The following VPS13D variants were observed in gnomAD, a reference collection of about 807,000 sequenced individuals.
VPS13D encodes the protein intermembrane lipid transfer protein VPS13D.
VPS13D carries 187 observed loss-of-function variants against 461.9 expected under a neutral mutation model. The observed-to-expected ratio is 0.40, with a 90% CI of 0.36 to 0.46. The LOEUF (loss-of-function observed/expected upper bound fraction) is 0.46, where lower values mean the gene tolerates loss of function less well. VPS13D is among the 20% of genes least tolerant of loss of function. VPS13D has a pLI of 0.60. For synonymous variants in VPS13D, 1,951 were observed against 1,986.3 expected, an observed-to-expected ratio of 0.98 and a Z score of 0.47; for missense variants, 4,711 against 5,364.9, an observed-to-expected ratio of 0.88 and a Z score of 3.81.
chr1:12,319,389 T>G lies in VPS13D; in HGVS notation c.7415-108T>G. 2.0e-6 allele frequency: 3 copies of G among 1,469,326 alleles called. No individual in the cohort carries two copies. In the South Asian group the frequency reaches 3.8e-5, roughly 19 times the overall value. 91.0% of individuals were successfully genotyped at this position (1,469,326 alleles called of 1,614,324 possible). ...CAGACATTTTGGAGAAAAATCTTAC[T>G]GGTTCATGTTGTTGCCTGGTGGAAA... is the stretch of plus-strand genomic sequence containing the variant. On this transcript the variant is annotated intron_variant, in intron 31 of 69. Transcript: ENST00000620676.
chr1:12,356,229 A>G (rs1643884712), intron 48 of VPS13D, 139 bp downstream of exon 48: 1 of 1,382,906 alleles, frequency 7.2e-7, no homozygotes, highest in Non-Finnish European at 9.7e-7. Flanking sequence ...TGCTTCCATC[A>G]TAAATGCTTA....
intron 65 of VPS13D, among the ~76,000 whole-genome samples, chr1:12,425,081 T>C (rs1020760722): frequency 1.3e-5 from 2 of 152,206 alleles, no homozygotes; most frequent in South Asian, 2.1e-4. Context: ...TGACAAACTT[T>C]AAGTGAGATA....
Position 12,510,668 on chromosome 1 carries a change from T to TC in VPS13D, c.*1646dup, listed in dbSNP as rs1335268954. ...CGAGGCTTGGTTGCCTTTGCTGAACTCCAAGTTAGTGGATTGCAGAATGGA... is the reference window on the plus strand; with the variant it reads ...CGAGGCTTGGTTGCCTTTGCTGAACTCCCAAGTTAGTGGATTGCAGAATGGA... On this transcript the variant is annotated 3_prime_UTR_variant, in exon 70 of 70. Transcript: ENST00000620676. The TC allele has an allele frequency of 6.6e-6, 1 of 152,250 alleles. No individual in the cohort carries two copies. The highest frequency in any genetic ancestry group is 1.5e-5 in the Non-Finnish European group (1 of 68,062). 9.4% of individuals were successfully genotyped at this position (152,250 alleles called of 1,614,324 possible).
At chr1:12,288,700 T>C (rs919901495) in intron 22 of VPS13D, among the ~76,000 whole-genome samples, 7 of 151,850 alleles carry the variant, frequency 4.6e-5, no homozygotes, top group Non-Finnish European at 1.0e-4. Flanking sequence ...ATCATTAATA[T>C]AATTACCCCT....
chr1:12,231,804 A>T (rs1219560630), intron 1 of VPS13D, among the ~76,000 whole-genome samples: 2 of 152,208 alleles, frequency 1.3e-5, no homozygotes, highest in African/African-American at 4.8e-5. Context: ...CCTGGCCAAC[A>T]TGATGAAACC....
chr1:12,478,628 C>G, intron 67 of VPS13D: 1 of 359,318 alleles, frequency 2.8e-6, no homozygotes, highest in Non-Finnish European at 5.5e-6. Flanking sequence ...CTGCACGTTT[C>G]TTTTCTTCAA....
chr1:12,322,686 G>A lies in VPS13D; in HGVS notation c.7855G>A (p.Ala2619Thr). ...CTCCGTTGGCACTTACCTTCCAGGTGCATCTCGCGTTGGAGAGGAAATCAG... is the reference window on the plus strand; with the variant it reads ...CTCCGTTGGCACTTACCTTCCAGGTACATCTCGCGTTGGAGAGGAAATCAG... ...SDSVGTYLPG[A>T]SRVGEEIREG... Residue 2619 changes from alanine to threonine, a missense_variant, in exon 34 of 70, where the codon GCA becomes ACA. Transcript: ENST00000620676. 1 of 1,614,234 alleles carries A rather than the reference G, an allele frequency of 6.2e-7. No individual in the cohort carries two copies. The highest frequency in any genetic ancestry group is 8.5e-7 in the Non-Finnish European group (1 of 1,180,030).
At chr1:12,423,371 CTA>C (rs1644886349) in intron 65 of VPS13D, among the ~76,000 whole-genome samples, 1 of 152,040 alleles carries the variant, frequency 6.6e-6, no homozygotes, top group African/African-American at 2.4e-5. Flanking sequence ...AGACATGCCT[CTA>C]TGTGTTAAAC....
intron 50 of VPS13D, among the ~76,000 whole-genome samples, chr1:12,362,063 A>G (rs1643959103): frequency 1.3e-5 from 2 of 152,114 alleles, no homozygotes; most frequent in South Asian, 2.1e-4. Flanking sequence ...GGGTTTCGCC[A>G]TGTTGGCCAG....
intron 2 of VPS13D, among the ~76,000 whole-genome samples, chr1:12,240,093 T>C (rs1441414971): frequency 1.3e-5 from 2 of 152,206 alleles, no homozygotes; most frequent in African/African-American, 4.8e-5. Flanking sequence ...CATTTGCTTT[T>C]GGCTTGGTGT....
intron 64 of VPS13D, among the ~76,000 whole-genome samples, chr1:12,416,398 T>C (rs966010278): frequency 2.6e-5 from 4 of 152,228 alleles, no homozygotes; most frequent in Admixed American, 2.0e-4. Flanking sequence ...TGCTTCCTGT[T>C]TCATAGCTAT....
At chr1:12,290,973 T>C (rs1481708753) in intron 22 of VPS13D, 25 bp from the exon 23 acceptor site, 1 of 1,584,614 alleles carries the variant, frequency 6.3e-7, no homozygotes, top group Non-Finnish European at 8.6e-7. Context: ...TACATAGTAA[T>C]GTGTTCTAAC....
At chr1:12,501,065 CAT>C (rs893798217) in intron 68 of VPS13D, among the ~76,000 whole-genome samples, 6 of 151,864 alleles carry the variant, frequency 4.0e-5, no homozygotes, top group African/African-American at 1.5e-4. Context: ...AAAAGATACT[CAT>C]ATGCATGGTT....
Position 12,318,287 on chromosome 1 carries a change from C to A in VPS13D, c.7364C>A (p.Ser2455Tyr). ...AGTGGAGTAGTTACCAAGCGGTCTT[C>A]CCTTCCTGTGTCCAATGAAAGGCAC... ...VKSGVVTKRSSLPVSNERHLE... is the reference protein window; with the variant it reads ...VKSGVVTKRSYLPVSNERHLE... Residue 2455 changes from serine (S) to tyrosine (Y), a missense_variant, in exon 31 of 70, where the codon TCC (serine) becomes TAC (tyrosine). Ser to Tyr is a moderately radical substitution (Grantham distance 144). Around this residue, in one of 3 missense-constraint regions of VPS13D, gnomAD observed 4,411 missense variants for 4,937.8 expected, o/e 0.89. Coordinates refer to ENST00000620676, the MANE Select transcript of VPS13D (RefSeq NM_015378.4). The A allele has an allele frequency of 6.2e-7, 1 of 1,613,698 alleles. No individual in the cohort carries two copies. The highest frequency in any genetic ancestry group is 1.3e-5 in the African/African-American group (1 of 75,038).
chr1:12,445,843 C>G (rs992261028), intron 65 of VPS13D, among the ~76,000 whole-genome samples: 1 of 152,146 alleles, frequency 6.6e-6, no homozygotes, highest in East Asian at 1.9e-4. Flanking sequence ...CCCATTCTAC[C>G]TCCTCTGCAA....
intron 10 of VPS13D, among the ~76,000 whole-genome samples, chr1:12,258,753 T>C (rs1285141034): frequency 1.3e-5 from 2 of 152,258 alleles, no homozygotes; most frequent in Non-Finnish European, 2.9e-5. Flanking sequence ...CAGCTTAGAC[T>C]GTGTCTGAGA....
chr1:12,413,204 G>C (rs1644751492), intron 63 of VPS13D, among the ~76,000 whole-genome samples: 1 of 151,820 alleles, frequency 6.6e-6, no homozygotes, highest in Non-Finnish European at 1.5e-5. Context: ...TTTGGTCGTT[G>C]TTTGTTTTAA....
At chr1:12,249,782 C>T (rs1474224958) in intron 6 of VPS13D, among the ~76,000 whole-genome samples, 1 of 152,144 alleles carries the variant, frequency 6.6e-6, no homozygotes, top group African/African-American at 2.4e-5. Flanking sequence ...TGTTTCTTCA[C>T]ACTCTACACA....
At chr1:12,394,433 C>G (rs1261251660) in intron 60 of VPS13D, among the ~76,000 whole-genome samples, 1 of 152,186 alleles carries the variant, frequency 6.6e-6, no homozygotes, top group Non-Finnish European at 1.5e-5. Flanking sequence ...TAGCTATGCC[C>G]ACCTTGCCTT....
Sources: gnomAD v4.1 joint callset for allele counts (sites outside exome capture counted in the v4.1 genomes callset) on GRCh38, gnomAD v4.1.1 for gene constraint, gnomAD v4.1.1 regional missense constraint, MANE v1.5 for transcripts, NCBI Gene and HGNC (gene_info 2026-07-23, HGNC 2026-07-21) for gene names.